Variants in GOLGA7B observed in about 807,000 individuals in gnomAD.
The protein encoded by GOLGA7B is golgin A7 family member B.
GOLGA7B carries 17 observed loss-of-function variants against 21.5 expected under a neutral mutation model. That is an observed-to-expected ratio of 0.79 (90% CI 0.54 to 1.19). GOLGA7B has a LOEUF of 1.19. Among genes scored for constraint, GOLGA7B ranks in the 50% most tolerant of loss-of-function variants. The probability of loss-of-function intolerance (pLI) is 0.00; values close to 1 mark genes in which losing one functional copy is unlikely to be tolerated. For missense variants in GOLGA7B, 169 were observed against 224.4 expected (o/e 0.75, Z 1.58); for synonymous variants, 87 against 84.0 (o/e 1.04, Z -0.19).
At position 97,870,184 on chromosome 10, in the gene GOLGA7B, G is replaced by A. The variant is rs1210682987; in HGVS notation, c.*4484G>A. 1 of 152,184 alleles carries A rather than the reference G, an allele frequency of 6.6e-6. No individual in the cohort carries two copies. Among genetic ancestry groups the A allele is most frequent in the African/African-American group, 2.4e-5 (1 of 41,432 alleles). The allele number at this position is 152,184 out of a possible 1,614,324, so 9.4% of individuals were successfully genotyped here. On this transcript the variant is annotated 3_prime_UTR_variant, in exon 5 of 5. Transcript: ENST00000370602. ...ATTTAATTGTTTTGGGGGACAGCTT[G>A]GGCATCAGGATTTTAAAGAGTTTCC...
chr10:97,857,403 A>G (rs1202441902), intron 1 of GOLGA7B, among the ~76,000 whole-genome samples: 1 of 147,488 alleles, frequency 6.8e-6, no homozygotes, highest in African/African-American at 2.5e-5. Flanking sequence ...ACACACACAC[A>G]CATTTAACCA....
chr10:97,850,201 G>T lies in GOLGA7B; in HGVS notation c.-103G>T. ...ATCAGCACTGCGGACAGCGCCCCGG[G>T]CCCCAGCTCGCCGCCACCGCCGCCG... On this transcript the variant is annotated 5_prime_UTR_variant, in exon 1 of 5. Coordinates refer to ENST00000370602, the MANE Select transcript of GOLGA7B (RefSeq NM_001010917.3). The T allele has an allele frequency of 1.3e-6, 1 of 760,712 alleles. No individual in the cohort carries two copies. The highest frequency in any genetic ancestry group is 1.9e-6 in the Non-Finnish European group (1 of 531,146). 47.1% of individuals were successfully genotyped at this position (760,712 alleles called of 1,614,324 possible).
At chr10:97,857,544 G>A (rs1467275262) in intron 1 of GOLGA7B, among the ~76,000 whole-genome samples, 1 of 152,006 alleles carries the variant, frequency 6.6e-6, no homozygotes, top group Non-Finnish European at 1.5e-5. Flanking sequence ...TGACCATGCG[G>A]CCCAAAGCAA....
In GOLGA7B at chr10:97,856,533, GC is replaced by G. The variant is rs561371751; in HGVS notation, c.13-2924del. 4.6e-5 allele frequency among the ~76,000 whole-genome samples: 7 copies of G among 152,310 alleles called. No individual in the cohort carries two copies. The South Asian group carries it at 1.0e-3, about 23-fold the overall frequency. ...CTATGACTTTGCTATTGTGAATAGT[GC>G]TATGATGAACATATGAGTACAGGTG... On this transcript the variant is annotated intron_variant, in intron 1 of 4. Transcript: ENST00000370602.
intron 2 of GOLGA7B, 118 bp downstream of exon 2, chr10:97,859,701 T>C: frequency 8.7e-6 from 9 of 1,030,286 alleles, no homozygotes; most frequent in Non-Finnish European, 9.7e-6. Flanking sequence ...CGTAACATGT[T>C]TGGCCACTTC....
Position 97,870,028 on chromosome 10 carries a change from C to G in GOLGA7B, c.*4328C>G, listed in dbSNP as rs777529472. 3.9e-5 allele frequency: 6 copies of G among 152,146 alleles called. No individual in the cohort carries two copies. The highest frequency in any genetic ancestry group is 8.8e-5 in the Non-Finnish European group (6 of 68,022). The allele number at this position is 152,146 out of a possible 1,614,324, so 9.4% of individuals were successfully genotyped here. On this transcript the variant is annotated 3_prime_UTR_variant, in exon 5 of 5. Coordinates refer to ENST00000370602, the MANE Select transcript of GOLGA7B (RefSeq NM_001010917.3). ...GAAGACTCTTGGAGCCTCAGATTCC[C>G]CAGTTGTTAAATAGGGAGACTAATA...
chr10:97,850,264 C>G lies in GOLGA7B; in HGVS notation c.-40C>G. On this transcript the variant is annotated 5_prime_UTR_variant, in exon 1 of 5. Coordinates refer to ENST00000370602, the MANE Select transcript of GOLGA7B (RefSeq NM_001010917.3). ...CGGGGTCAGCACCGCGGAGACCCCCCTCGCCCGGCCCCGCGACAGCCTCCG... is the reference window on the plus strand; with the variant it reads ...CGGGGTCAGCACCGCGGAGACCCCCGTCGCCCGGCCCCGCGACAGCCTCCG... The G allele has an allele frequency of 1.4e-6, 2 of 1,456,720 alleles. No homozygotes were observed. Among genetic ancestry groups the G allele is most frequent in the Non-Finnish European group, 1.8e-6 (2 of 1,102,068 alleles). 90.2% of individuals were successfully genotyped at this position (1,456,720 alleles called of 1,614,324 possible). A position where few individuals can be genotyped will look rare whatever the true frequency, so the allele number is the denominator to read the frequency against.
rs1161825104 is a variant in GOLGA7B at position 97,868,611 on chromosome 10, T to TGGCCAG, written c.*2912_*2913insGCCAGG. 3 of 152,330 alleles carry TGGCCAG rather than the reference T, an allele frequency of 2.0e-5. No homozygotes were observed. The highest frequency in any genetic ancestry group is 4.4e-5 in the Non-Finnish European group (3 of 68,122). The allele number at this position is 152,330 out of a possible 1,614,324, so 9.4% of individuals were successfully genotyped here. A position where few individuals can be genotyped will look rare whatever the true frequency, so the allele number is the denominator to read the frequency against. On this transcript the variant is annotated 3_prime_UTR_variant, in exon 5 of 5. Coordinates refer to ENST00000370602, the MANE Select transcript of GOLGA7B (RefSeq NM_001010917.3). ...GTGTGCAGCCTGGACTCACTCCCTC[T>TGGCCAG]GCTGGAACCTGGGCCGTGTGTGGGT... is the stretch of plus-strand genomic sequence containing the variant.
rs75620883 is a variant in GOLGA7B, at chr10:97,855,096, G to A, written c.13-4362G>A. On this transcript the variant is annotated intron_variant, in intron 1 of 4. Transcript: ENST00000370602. The stretch of plus-strand genomic sequence containing the variant: ...AATTAATATAGCTGTATGCCTAGGA[G>A]GAAGAAGAAATGGCTTGGGTCAGTA... 7.2e-5 allele frequency among the ~76,000 whole-genome samples: 11 copies of A among 152,316 alleles called. No homozygotes were observed. The East Asian group carries it at 1.7e-3, about 24-fold the overall frequency.
At position 97,871,252 on chromosome 10, in the gene GOLGA7B, G is replaced by A. The variant is rs1450410729; in HGVS notation, c.*5552G>A. ...TTCGCATGCAGGATCCTGGAGCTGC[G>A]TCGGGTTTTGAATCAGGGACAATGG... On this transcript the variant is annotated 3_prime_UTR_variant, in exon 5 of 5. Transcript: ENST00000370602. 8 of 152,186 alleles carry A rather than the reference G, an allele frequency of 5.3e-5. No homozygotes were observed. The highest frequency in any genetic ancestry group is 1.2e-4 in the Non-Finnish European group (8 of 68,032). The allele number at this position is 152,186 out of a possible 1,614,324, so 9.4% of individuals were successfully genotyped here.
chr10:97,860,376 T>C (rs1048041649), intron 2 of GOLGA7B, among the ~76,000 whole-genome samples: 3 of 152,132 alleles, frequency 2.0e-5, no homozygotes, highest in Non-Finnish European at 2.9e-5. Context: ...GTCTTTTTTT[T>C]TTTCCCTTGA....
chr10:97,852,956 TGGGAAA>T (rs1564864069), intron 1 of GOLGA7B, among the ~76,000 whole-genome samples: 1 of 152,152 alleles, frequency 6.6e-6, no homozygotes, highest in African/African-American at 2.4e-5. Context: ...GGGTCTGCCC[TGGGAAA>T]TAGTCCAGAT....
Position 97,860,817 on chromosome 10 carries a change from C to T in GOLGA7B, c.138+1234C>T, listed in dbSNP as rs201111593. Among the ~76,000 whole-genome samples the T allele has an allele frequency of 3.0e-3, 455 of 152,268 alleles. 1 individual carries two copies. The highest frequency in any genetic ancestry group is 4.9e-3 in the Non-Finnish European group (333 of 68,012). Reference sequence around the variant, plus strand: ...GCTACACCTTAGAGGCACCTGGGAACTTTGAAAAAGGAAGCTTGCAGGGCG... The same window carrying T: ...GCTACACCTTAGAGGCACCTGGGAATTTTGAAAAAGGAAGCTTGCAGGGCG... On this transcript the variant is annotated intron_variant, in intron 2 of 4. Coordinates refer to ENST00000370602, the MANE Select transcript of GOLGA7B (RefSeq NM_001010917.3).
chr10:97,865,827 A>C lies in GOLGA7B; in HGVS notation c.*127A>C. The stretch of plus-strand genomic sequence containing the variant: ...GGCTCACCCTGCTGCCCGGGGTGGG[A>C]GGGAGGGTGACGGGCCTCATATTTC... On this transcript the variant is annotated 3_prime_UTR_variant, in exon 5 of 5. Coordinates refer to ENST00000370602, the MANE Select transcript of GOLGA7B (RefSeq NM_001010917.3). 4.1e-5 allele frequency: 16 copies of C among 390,714 alleles called. No homozygotes were observed. Among genetic ancestry groups the C allele is most frequent in the Non-Finnish European group, 7.2e-5 (15 of 209,264 alleles). 24.2% of individuals were successfully genotyped at this position (390,714 alleles called of 1,614,324 possible).
At position 97,850,350 on chromosome 10, in the gene GOLGA7B, G is replaced by T; in HGVS notation, c.12+35G>T. 4.0e-6 allele frequency: 6 copies of T among 1,507,226 alleles called. No individual in the cohort carries two copies. In the South Asian group the frequency reaches 6.2e-5, roughly 16 times the overall value. 93.4% of individuals were successfully genotyped at this position (1,507,226 alleles called of 1,614,324 possible). A position where few individuals can be genotyped will look rare whatever the true frequency, so the allele number is the denominator to read the frequency against. ...AGCGCCCCACCCGCAGGCAGTGCCC[G>T]ATTGCCGCGGGACCAAATGCCCTAG... On this transcript the variant is annotated intron_variant, in intron 1 of 4. Coordinates refer to ENST00000370602, the MANE Select transcript of GOLGA7B (RefSeq NM_001010917.3).
chr10:97,864,612 T>G (rs546824718), intron 4 of GOLGA7B, among the ~76,000 whole-genome samples: 1 of 152,306 alleles, frequency 6.6e-6, no homozygotes, highest in Non-Finnish European at 1.5e-5. Context: ...GTGCAGCTGG[T>G]GAATGTGGGA....
chr10:97,850,238 C>T lies in GOLGA7B; in HGVS notation c.-66C>T. On this transcript the variant is annotated 5_prime_UTR_variant, in exon 1 of 5. Transcript: ENST00000370602. The stretch of plus-strand genomic sequence containing the variant: ...CGCCACCGCCGCCGCCCACCTGCTC[C>T]CGGGGTCAGCACCGCGGAGACCCCC... 7.7e-7 allele frequency: 1 copy of T among 1,294,958 alleles called. No homozygotes were observed. The highest frequency in any genetic ancestry group is 1.0e-6 in the Non-Finnish European group (1 of 978,968). 80.2% of individuals were successfully genotyped at this position (1,294,958 alleles called of 1,614,324 possible).
chr10:97,855,418 T>C (rs2049929375), intron 1 of GOLGA7B, among the ~76,000 whole-genome samples: 1 of 152,232 alleles, frequency 6.6e-6, no homozygotes, highest in Non-Finnish European at 1.5e-5. Flanking sequence ...AGGTTTTGTA[T>C]GGGTCAGAGG....
intron 4 of GOLGA7B, chr10:97,865,380 G>A: frequency 1.3e-6 from 1 of 786,638 alleles, no homozygotes; most frequent in Middle Eastern, 3.3e-4. Flanking sequence ...CCAGCACAGG[G>A]CCTGGCCTTA....
Sources: gnomAD v4.1 joint callset for allele counts (sites outside exome capture counted in the v4.1 genomes callset) on GRCh38, gnomAD v4.1.1 for gene constraint, MANE v1.5 for transcripts, NCBI Gene and HGNC (gene_info 2026-07-23, HGNC 2026-07-21) for gene names.